Variants in PPFIA2 observed in about 807,000 individuals in gnomAD.
PPFIA2 encodes liprin-alpha-2.
In PPFIA2, 46 loss-of-function variants were observed where a neutral mutation model predicts 175.5. The observed-to-expected ratio is 0.26, with a 90% CI of 0.21 to 0.34. The LOEUF (loss-of-function observed/expected upper bound fraction) is 0.34. Ranked by LOEUF, PPFIA2 falls within the 10% of genes least tolerant of loss-of-function variation. PPFIA2 has a pLI of 1.00. For synonymous variants in PPFIA2, 568 were observed against 511.4 expected (o/e 1.11, Z -1.49); for missense variants, 1,179 against 1,506.1 (o/e 0.78, Z 3.60).
chr12:81,462,847 G>C (rs957241803), intron 4 of PPFIA2, among the ~76,000 whole-genome samples: 2 of 151,806 alleles, frequency 1.3e-5, no homozygotes, highest in Non-Finnish European at 2.9e-5. Context: ...TGTGGCAGGA[G>C]AAATAATGAA....
intron 9 of PPFIA2, among the ~76,000 whole-genome samples, chr12:81,376,820 T>A (rs1373471901): frequency 6.6e-6 from 1 of 152,124 alleles, no homozygotes; most frequent in African/African-American, 2.4e-5. Context: ...ATGGCTATAG[T>A]TTCCATATCT....
intron 4 of PPFIA2, among the ~76,000 whole-genome samples, chr12:81,650,199 C>CG (rs1316483053): frequency 5.3e-5 from 8 of 151,800 alleles, no homozygotes; most frequent in Admixed American, 5.2e-4. Context: ...TTAGTAGAGA[C>CG]GGGGCTTCAC....
chr12:81,592,523 ATTATGGTGGTGGGTCTTTCCT>A (rs899257774), intron 4 of PPFIA2, among the ~76,000 whole-genome samples: 3 of 152,096 alleles, frequency 2.0e-5, no homozygotes, highest in African/African-American at 7.2e-5. Flanking sequence ...GTGTGGTTGA[ATTATGGTGGTGGGTCTTTCCT>A]TTATTATTCT....
chr12:81,674,560 C>T (rs538710547), intron 4 of PPFIA2, among the ~76,000 whole-genome samples: 9 of 152,042 alleles, frequency 5.9e-5, no homozygotes, highest in South Asian at 2.1e-4. Context: ...CTCAGCTACT[C>T]GCTAGGCTGA....
chr12:81,651,223 G>A (rs1255546251), intron 4 of PPFIA2, among the ~76,000 whole-genome samples: 3 of 152,128 alleles, frequency 2.0e-5, no homozygotes, highest in Non-Finnish European at 4.4e-5. Context: ...TAATGGAAAG[G>A]AAGAGACTGC....
chr12:81,735,157 G>C (rs1430044276), intron 3 of PPFIA2, among the ~76,000 whole-genome samples: 1 of 151,652 alleles, frequency 6.6e-6, no homozygotes, highest in Admixed American at 6.6e-5. Context: ...TAGATTTCTA[G>C]GAGTAAATTT....
chr12:81,408,716 A>G (rs1478586445), intron 7 of PPFIA2, among the ~76,000 whole-genome samples: 3 of 152,234 alleles, frequency 2.0e-5, no homozygotes, highest in African/African-American at 7.2e-5. Flanking sequence ...ATACATGACA[A>G]TTAGTTCCAA....
intron 4 of PPFIA2, chr12:81,512,144 CG>C: frequency 3.2e-6 from 1 of 311,662 alleles, no homozygotes; most frequent in Non-Finnish European, 6.0e-6. Flanking sequence ...CTGTAGTGTC[CG>C]TCAATGTCAG....
At chr12:81,616,607 G>A (rs931764973) in intron 4 of PPFIA2, among the ~76,000 whole-genome samples, 1 of 152,078 alleles carries the variant, frequency 6.6e-6, no homozygotes, top group Non-Finnish European at 1.5e-5. Context: ...TGATTAGGAG[G>A]CCATGTAGAT....
At chr12:81,584,440 T>A (rs2153432262) in intron 4 of PPFIA2, among the ~76,000 whole-genome samples, 1 of 151,904 alleles carries the variant, frequency 6.6e-6, no homozygotes, top group East Asian at 1.9e-4. Flanking sequence ...CAGAGCTGGA[T>A]CATCTTAAAA....
At position 81,662,538 on chromosome 12, in the gene PPFIA2, C is replaced by T. The variant is rs184912425; in HGVS notation, c.303+14253G>A. ...TCTCTGAATAGACCAATAACAGGCT[C>T]TGAAATTGAGGCTATAATTAATAGC... is the stretch of plus-strand genomic sequence containing the variant. On this transcript the variant is annotated intron_variant, in intron 4 of 32. Coordinates refer to ENST00000549396, the MANE Select transcript of PPFIA2 (RefSeq NM_003625.5). Among the ~76,000 whole-genome samples, 449 of 152,246 alleles carry T rather than the reference C, an allele frequency of 2.9e-3. 4 individuals are homozygous for T. The highest frequency in any genetic ancestry group is 9.9e-3 in the African/African-American group (412 of 41,532).
At chr12:81,539,307 C>A (rs1567239392) in intron 4 of PPFIA2, among the ~76,000 whole-genome samples, 1 of 151,790 alleles carries the variant, frequency 6.6e-6, no homozygotes, top group Non-Finnish European at 1.5e-5. Context: ...CATTTGAGAG[C>A]CTTGGCCTAC....
chr12:81,439,462 T>C (rs1593003718), intron 7 of PPFIA2, among the ~76,000 whole-genome samples: 1 of 152,130 alleles, frequency 6.6e-6, no homozygotes, highest in African/African-American at 2.4e-5. Context: ...AAATAACTCT[T>C]TAAATCTTAA....
chr12:81,543,938 T>C (rs1035582777), intron 4 of PPFIA2, among the ~76,000 whole-genome samples: 1 of 152,126 alleles, frequency 6.6e-6, no homozygotes, highest in Non-Finnish European at 1.5e-5. Context: ...TTCAAAACTG[T>C]CAAGGTCATC....
At chr12:81,427,608 C>CA (rs560023767) in intron 7 of PPFIA2, among the ~76,000 whole-genome samples, 5 of 151,328 alleles carry the variant, frequency 3.3e-5, no homozygotes, top group Admixed American at 2.0e-4. Context: ...TTTCAAAATA[C>CA]AAAAAAAAGG....
intron 22 of PPFIA2, among the ~76,000 whole-genome samples, chr12:81,315,312 G>A (rs1489058674): frequency 6.6e-6 from 1 of 151,830 alleles, no homozygotes; most frequent in Admixed American, 6.6e-5. Context: ...GTGCCAAAAT[G>A]TACACATGGA....
intron 4 of PPFIA2, among the ~76,000 whole-genome samples, chr12:81,474,405 C>T (rs982650001): frequency 1.3e-5 from 2 of 152,018 alleles, no homozygotes; most frequent in African/African-American, 4.8e-5. Context: ...GATCCACTGG[C>T]CTCAGCCTCC....
intron 3 of PPFIA2, among the ~76,000 whole-genome samples, chr12:81,698,833 C>A (rs1456053696): frequency 6.6e-6 from 1 of 151,906 alleles, no homozygotes; most frequent in East Asian, 1.9e-4. Flanking sequence ...GATTTTTCTC[C>A]TTTAAAGTAG....
intron 3 of PPFIA2, among the ~76,000 whole-genome samples, chr12:81,730,456 C>T (rs147639960): frequency 1.2e-3 from 179 of 151,658 alleles, no homozygotes; most frequent in African/African-American, 4.1e-3. Context: ...AGAGTGAGGG[C>T]AAGCAGGGGA....
Sources: allele counts gnomAD v4.1 joint callset (sites outside exome capture counted in the v4.1 genomes callset), GRCh38; gene constraint gnomAD v4.1.1; transcripts MANE v1.5; gene names NCBI Gene and HGNC (gene_info 2026-07-23, HGNC 2026-07-21).